Variants in HRH1 observed in about 807,000 individuals in gnomAD.
The protein encoded by HRH1 is histamine H1 receptor.
Under a neutral mutation model 10.3 loss-of-function variants are expected in HRH1, and 6 were observed. That is an observed-to-expected ratio of 0.58 (90% CI 0.32 to 1.15). The LOEUF (loss-of-function observed/expected upper bound fraction) is 1.15. HRH1 is among the 50% of genes most tolerant of loss of function. The probability of loss-of-function intolerance (pLI) is 0.05; values close to 1 mark genes in which losing one functional copy is unlikely to be tolerated. For synonymous variants in HRH1, 242 were observed against 236.7 expected (o/e 1.02, Z -0.21); for missense variants, 514 against 615.3 (o/e 0.84, Z 1.74).
chr3:11,190,768 T>C (rs577798403), intron 1 of HRH1, among the ~76,000 whole-genome samples: 36 of 152,236 alleles, frequency 2.4e-4, no homozygotes, highest in African/African-American at 7.5e-4. Context: ...GGAGGATCGC[T>C]TGAGCCGTGA....
chr3:11,262,632 A>T lies in HRH1; in HGVS notation c.*2131A>T, dbSNP rs1399545672. ...CCTCAGGGTCCCTCAGGACCAAAGA[A>T]CACTCGAAAAGAGCACTTCACACAG... On this transcript the variant is annotated 3_prime_UTR_variant, in exon 2 of 2. Coordinates refer to ENST00000431010, the MANE Select transcript of HRH1 (RefSeq NM_001098212.2). 3 of 167,048 alleles carry T rather than the reference A, an allele frequency of 1.8e-5. No homozygotes were observed. 10.3% of individuals were successfully genotyped at this position (167,048 alleles called of 1,614,324 possible).
chr3:11,182,639 T>G (rs1937380104), intron 1 of HRH1, among the ~76,000 whole-genome samples: 1 of 152,152 alleles, frequency 6.6e-6, no homozygotes, highest in Non-Finnish European at 1.5e-5. Flanking sequence ...CATCTCAGTG[T>G]ATGCATCTGT....
chr3:11,172,094 A>T (rs1241673157), intron 1 of HRH1, among the ~76,000 whole-genome samples: 1 of 152,262 alleles, frequency 6.6e-6, no homozygotes, highest in East Asian at 1.9e-4. Context: ...ATGATGACAC[A>T]GTCTCCCCAA....
chr3:11,242,875 TC>T (rs1939386931), intron 1 of HRH1, among the ~76,000 whole-genome samples: 1 of 152,130 alleles, frequency 6.6e-6, no homozygotes, highest in African/African-American at 2.4e-5. Context: ...TTAGTACATC[TC>T]CCCTGGCTTC....
chr3:11,217,477 C>T (rs975412308), intron 1 of HRH1, among the ~76,000 whole-genome samples: 34 of 152,040 alleles, frequency 2.2e-4, no homozygotes, highest in African/African-American at 6.0e-4. Context: ...TGCAGTGAGC[C>T]GAGATGGCGC....
intron 1 of HRH1, chr3:11,252,809 C>A (rs1031022149): frequency 1.3e-5 from 2 of 152,166 alleles, no homozygotes; most frequent in Non-Finnish European, 2.9e-5. Flanking sequence ...TAGGGTATTG[C>A]TTTCTCTTTA....
intron 1 of HRH1, among the ~76,000 whole-genome samples, chr3:11,181,396 G>C (rs2125017094): frequency 6.6e-6 from 1 of 152,286 alleles, no homozygotes; most frequent in African/African-American, 2.4e-5. Context: ...TTTCCAGAGT[G>C]GCTGGACCAT....
At chr3:11,145,954 C>T (rs1230544310) in intron 1 of HRH1, among the ~76,000 whole-genome samples, 1 of 152,124 alleles carries the variant, frequency 6.6e-6, no homozygotes, top group African/African-American at 2.4e-5. Context: ...TGAATTTATT[C>T]AGGCTTCTAT....
chr3:11,209,975 T>G (rs1229088817), intron 1 of HRH1, among the ~76,000 whole-genome samples: 2 of 152,236 alleles, frequency 1.3e-5, no homozygotes, highest in Non-Finnish European at 2.9e-5. Flanking sequence ...ACAAGTTAGA[T>G]CGCATCAAAT....
chr3:11,158,027 G>A (rs1299034162), intron 1 of HRH1, among the ~76,000 whole-genome samples: 1 of 152,216 alleles, frequency 6.6e-6, no homozygotes, highest in Non-Finnish European at 1.5e-5. Flanking sequence ...CACGTAGAAG[G>A]TATTCATGAA....
chr3:11,149,524 C>G (rs1187283072), upstream of HRH1, among the ~76,000 whole-genome samples: 2 of 152,150 alleles, frequency 1.3e-5, no homozygotes, highest in Non-Finnish European at 2.9e-5. Flanking sequence ...ATCCAGGAAG[C>G]CAGAACTTGA....
intron 1 of HRH1, among the ~76,000 whole-genome samples, chr3:11,160,411 A>G (rs187421237): frequency 3.9e-5 from 6 of 152,336 alleles, no homozygotes; most frequent in African/African-American, 7.2e-5. Context: ...TGTTATTCCA[A>G]TTATTCAGAT....
At chr3:11,217,658 C>T (rs1197547154) in intron 1 of HRH1, among the ~76,000 whole-genome samples, 1 of 152,114 alleles carries the variant, frequency 6.6e-6, no homozygotes, top group Non-Finnish European at 1.5e-5. Flanking sequence ...GGTTGCACAA[C>T]AATATGAATG....
intron 1 of HRH1, among the ~76,000 whole-genome samples, chr3:11,190,064 G>A (rs867252326): frequency 2.2e-4 from 34 of 152,144 alleles, no homozygotes; most frequent in African/African-American, 7.5e-4. Context: ...AGCCTTTCTG[G>A]TGTGTTCTAG....
chr3:11,251,653 C>T (rs944865797), intron 1 of HRH1, among the ~76,000 whole-genome samples: 1 of 152,074 alleles, frequency 6.6e-6, no homozygotes, highest in Non-Finnish European at 1.5e-5. Flanking sequence ...TTTTTTTCTG[C>T]GTTTGAATTT....
At chr3:11,154,280 G>A (rs1559254107), upstream of HRH1, among the ~76,000 whole-genome samples, 1 of 152,010 alleles carries the variant, frequency 6.6e-6, no homozygotes, top group South Asian at 2.1e-4. The surrounding 1 kb of genome is among the most constrained non-coding windows in gnomAD (Gnocchi z 4.4). Context: ...CGCGAGCTGG[G>A]AGAGGGTGTC....
At chr3:11,168,990 AT>A (rs61423334) in intron 1 of HRH1, among the ~76,000 whole-genome samples, 7,380 of 152,278 alleles carry the variant, frequency 0.048, 360 homozygotes, top group African/African-American at 0.12. Context: ...GAATGAAGGG[AT>A]TCACACACAG....
At chr3:11,143,590 T>C (rs564033687) in intron 1 of HRH1, among the ~76,000 whole-genome samples, 1 of 152,328 alleles carries the variant, frequency 6.6e-6, no homozygotes, top group South Asian at 2.1e-4. Context: ...GTTGGGTTAA[T>C]CCAAACTCAC....
At chr3:11,210,797 GAAAA>G (rs59390388) in intron 1 of HRH1, among the ~76,000 whole-genome samples, 4 of 135,366 alleles carry the variant, frequency 3.0e-5, no homozygotes, top group Non-Finnish European at 6.3e-5. Context: ...TGTCTCAAAA[GAAAA>G]AAAAAAAAAA....
Sources: gnomAD v4.1 joint callset for allele counts (sites outside exome capture counted in the v4.1 genomes callset) on GRCh38, gnomAD v4.1.1 for gene constraint, Gnocchi (gnomAD v3.1) non-coding constraint, MANE v1.5 for transcripts, NCBI Gene and HGNC (gene_info 2026-07-23, HGNC 2026-07-21) for gene names.